The following ELF2 variants were observed in gnomAD, a reference collection of about 807,000 sequenced individuals.
ELF2 encodes E74 like ETS transcription factor 2, also known as ETS-related transcription factor Elf-2.
ELF2 carries 11 observed loss-of-function variants against 54.8 expected under a neutral mutation model. That is an observed-to-expected ratio of 0.20 (90% CI 0.13 to 0.33). The LOEUF is 0.33. ELF2 is among the 10% of genes least tolerant of loss of function. The pLI, the probability that ELF2 is intolerant of heterozygous loss-of-function variation, is 1.00. For synonymous variants in ELF2, 203 were observed against 245.1 expected (o/e 0.83, Z 1.61); for missense variants, 513 against 703.0 (o/e 0.73, Z 3.06).
intron 1 of ELF2, among the ~76,000 whole-genome samples, chr4:139,142,697 G>C (rs769585145): frequency 2.0e-5 from 3 of 151,520 alleles, no homozygotes; most frequent in Non-Finnish European, 4.4e-5. Context: ...AAGTGATACA[G>C]GCTGGGACCA....
chr4:139,060,655 T>C lies in ELF2; in HGVS notation c.826A>G (p.Ile276Val). ...RALRYYYQRGILAKVEGQRLV... is the reference protein window; with the variant it reads ...RALRYYYQRGVLAKVEGQRLV... ...CTCTGTCCTTCAACCTTTGCAAGAATTCCCCTTTGGTAGTAGTATCTGTAA... is the reference window on the plus strand; with the variant it reads ...CTCTGTCCTTCAACCTTTGCAAGAACTCCCCTTTGGTAGTAGTATCTGTAA... The change falls in exon 9 of 10, where the codon ATT becomes GTT. Residue 276 changes from isoleucine (I) to valine (V), a missense_variant. Around this residue, in one of 3 missense-constraint regions of ELF2, gnomAD observed 19 missense variants for 91.0 expected, o/e 0.21. Transcript: ENST00000686138. 6.3e-7 allele frequency: 1 copy of C among 1,593,804 alleles called. No homozygotes were observed. The highest frequency in any genetic ancestry group is 2.2e-4 in the Middle Eastern group (1 of 4,626).
intron 1 of ELF2, among the ~76,000 whole-genome samples, chr4:139,165,821 T>A (rs1451840059): frequency 1.3e-5 from 2 of 152,218 alleles, no homozygotes; most frequent in Non-Finnish European, 2.9e-5. Flanking sequence ...AATAAGTGAT[T>A]CTAGATCTTC....
At chr4:139,076,485 A>T (rs1318605240) in intron 4 of ELF2, among the ~76,000 whole-genome samples, 1 of 151,758 alleles carries the variant, frequency 6.6e-6, no homozygotes, top group African/African-American at 2.4e-5. Flanking sequence ...AATTTATTCT[A>T]GCAAGCATTC....
intron 7 of ELF2, among the ~76,000 whole-genome samples, chr4:139,062,893 C>T (rs925952972): frequency 1.4e-4 from 21 of 152,182 alleles, no homozygotes; most frequent in African/African-American, 4.8e-5. Flanking sequence ...GCAAACTACC[C>T]TCAACCCTTT....
rs368719222 is a variant in ELF2, at chr4:139,059,630, G to A, written c.1158-23C>T. 8 of 1,589,544 alleles carry A rather than the reference G, an allele frequency of 5.0e-6. No homozygotes were observed. In the Admixed American group the frequency reaches 8.6e-5, roughly 17 times the overall value. ...GTCCTAGTACATTAGAAAGAAAAAA[G>A]CTGATTATATTTAATGCCAACTGAG... On this transcript the variant is annotated intron_variant, in intron 9 of 9. Transcript: ENST00000686138.
intron 4 of ELF2, among the ~76,000 whole-genome samples, chr4:139,114,758 C>T (rs1735431638): frequency 6.8e-6 from 1 of 146,998 alleles, no homozygotes. Context: ...ATAAAAAAAC[C>T]CAAAAGTGGA....
At chr4:139,172,853 G>C (rs1190091095) in intron 1 of ELF2, among the ~76,000 whole-genome samples, 1 of 127,682 alleles carries the variant, frequency 7.8e-6, no homozygotes, top group Non-Finnish European at 1.6e-5. Flanking sequence ...CATCCACTGG[G>C]GGTCTTGGAA....
At chr4:139,174,102 A>G (rs1742645402) in intron 1 of ELF2, among the ~76,000 whole-genome samples, 1 of 150,392 alleles carries the variant, frequency 6.6e-6, no homozygotes, top group Non-Finnish European at 1.5e-5. Context: ...GTGTTGTGGC[A>G]TGCGCCTGTG....
intron 4 of ELF2, among the ~76,000 whole-genome samples, chr4:139,114,595 AC>A (rs1735374913): frequency 6.8e-6 from 1 of 146,250 alleles, no homozygotes; most frequent in African/African-American, 2.5e-5. Flanking sequence ...ACACACACAC[AC>A]AATTTAGGAG....
At chr4:139,086,935 A>G (rs1258702733) in intron 4 of ELF2, among the ~76,000 whole-genome samples, 1 of 152,172 alleles carries the variant, frequency 6.6e-6, no homozygotes, top group Admixed American at 6.5e-5. Flanking sequence ...GACTATGGCT[A>G]ATTTTAGATT....
At chr4:139,115,400 C>T (rs1735582486) in intron 4 of ELF2, 1 of 1,003,708 alleles carries the variant, frequency 1.0e-6, no homozygotes, top group Admixed American at 6.1e-5. Flanking sequence ...CACGTGCGCG[C>T]ATCGGGCCCC....
intron 1 of ELF2, among the ~76,000 whole-genome samples, chr4:139,145,128 G>A (rs2101425): frequency 0.18 from 27,485 of 152,128 alleles, 2,879 homozygotes; most frequent in South Asian, 0.34. Context: ...ACCCAAGAAG[G>A]AGAAAACTTA....
intron 4 of ELF2, among the ~76,000 whole-genome samples, chr4:139,102,887 GT>G (rs145429765): frequency 0.012 from 1,827 of 147,610 alleles, 33 homozygotes; most frequent in African/African-American, 0.034. Flanking sequence ...AGACATAAAT[GT>G]TTTTTTTTTT....
At chr4:139,148,148 G>C (rs1467037311) in intron 1 of ELF2, among the ~76,000 whole-genome samples, 2 of 150,162 alleles carry the variant, frequency 1.3e-5, no homozygotes, top group South Asian at 2.1e-4. Flanking sequence ...AGAGCTGTCT[G>C]TTCTGGCCAT....
chr4:139,112,048 C>G (rs1426548952), intron 4 of ELF2, among the ~76,000 whole-genome samples: 1 of 152,112 alleles, frequency 6.6e-6, no homozygotes, highest in Non-Finnish European at 1.5e-5. Flanking sequence ...TCCTCACTGC[C>G]CTTTAGACTT....
At chr4:139,084,448 G>GGCGGCGGCGGCGGCTGTGGCT in intron 4 of ELF2, 1 of 1,146,476 alleles carries the variant, frequency 8.7e-7, no homozygotes, top group East Asian at 4.3e-5. Context: ...GGGCGGCGGC[G>GGCGGCGGCGGCGGCTGTGGCT]GCGGCGGCGG....
intron 1 of ELF2, among the ~76,000 whole-genome samples, chr4:139,153,389 T>C (rs1187443151): frequency 6.6e-6 from 1 of 151,958 alleles, no homozygotes; most frequent in Non-Finnish European, 1.5e-5. Flanking sequence ...GAGCTGAGAT[T>C]GTGCCACTGC....
At chr4:139,113,914 T>C (rs573168872) in intron 4 of ELF2, among the ~76,000 whole-genome samples, 4 of 152,318 alleles carry the variant, frequency 2.6e-5, no homozygotes, top group African/African-American at 7.2e-5. Context: ...GCTTTATTAA[T>C]TGACAGAGTA....
At chr4:139,156,612 A>T (rs1032437172) in intron 1 of ELF2, among the ~76,000 whole-genome samples, 2 of 148,408 alleles carry the variant, frequency 1.3e-5, no homozygotes, top group African/African-American at 2.5e-5. Flanking sequence ...ATATATATAT[A>T]TTTGTTGTTT....
Sources: gnomAD v4.1 joint callset for allele counts (sites outside exome capture counted in the v4.1 genomes callset) on GRCh38, gnomAD v4.1.1 for gene constraint, gnomAD v4.1.1 regional missense constraint, MANE v1.5 for transcripts, NCBI Gene and HGNC (gene_info 2026-07-23, HGNC 2026-07-21) for gene names.